MCU: variants seen among roughly 807,000 people sequenced by gnomAD.
MCU encodes mitochondrial calcium uniporter.
In MCU, 12 loss-of-function variants were observed where a neutral mutation model predicts 45.2. That is an observed-to-expected ratio of 0.27 (90% CI 0.17 to 0.43). The LOEUF (loss-of-function observed/expected upper bound fraction) is 0.43. Among genes scored for constraint, MCU ranks in the 20% least tolerant of loss-of-function variants. The probability of loss-of-function intolerance (pLI) is 1.00; values close to 1 mark genes in which losing one functional copy is unlikely to be tolerated. For synonymous variants in MCU, 160 were observed against 165.1 expected, an observed-to-expected ratio of 0.97 and a Z score of 0.24; for missense variants, 324 against 436.7, an observed-to-expected ratio of 0.74 and a Z score of 2.30.
At chr10:72,829,042 C>T (rs937475533) in intron 1 of MCU, among the ~76,000 whole-genome samples, 3 of 152,140 alleles carry the variant, frequency 2.0e-5, no homozygotes, top group African/African-American at 7.2e-5. Context: ...CTAGGGAGGC[C>T]GGGCGCCTTG....
At chr10:72,715,099 C>A in intron 1 of MCU, 1 of 914,818 alleles carries the variant, frequency 1.1e-6, no homozygotes, top group Non-Finnish European at 1.3e-6. Context: ...TTACTTTTTT[C>A]TATTCTTTTA....
chr10:72,724,692 G>C (rs1843072546), intron 1 of MCU, among the ~76,000 whole-genome samples: 1 of 152,178 alleles, frequency 6.6e-6, no homozygotes, highest in Non-Finnish European at 1.5e-5. Flanking sequence ...TGTGGATGAA[G>C]GTTAGATTAG....
At chr10:72,752,165 T>C (rs1420673287) in intron 1 of MCU, among the ~76,000 whole-genome samples, 1 of 151,950 alleles carries the variant, frequency 6.6e-6, no homozygotes, top group Non-Finnish European at 1.5e-5. Flanking sequence ...AATTCATTTG[T>C]CTATTTGAAG....
intron 6 of MCU, among the ~76,000 whole-genome samples, chr10:72,872,563 A>T (rs1845560224): frequency 6.6e-6 from 1 of 152,188 alleles, no homozygotes; most frequent in Non-Finnish European, 1.5e-5. Flanking sequence ...AATGTCCTCC[A>T]GCCTTATCCA....
intron 1 of MCU, among the ~76,000 whole-genome samples, chr10:72,783,039 A>G (rs1043632232): frequency 1.3e-5 from 2 of 152,218 alleles, no homozygotes; most frequent in East Asian, 3.8e-4. Context: ...TGGCCATGGA[A>G]AAAGGAAATA....
intron 1 of MCU, among the ~76,000 whole-genome samples, chr10:72,774,353 A>C (rs1342896709): frequency 6.6e-6 from 1 of 152,118 alleles, no homozygotes; most frequent in Non-Finnish European, 1.5e-5. Flanking sequence ...ATAGCTTCTT[A>C]TGTCTGTAAG....
chr10:72,841,308 A>G (rs1845043714), intron 2 of MCU, among the ~76,000 whole-genome samples: 1 of 152,022 alleles, frequency 6.6e-6, no homozygotes, highest in Non-Finnish European at 1.5e-5. Context: ...AGAAAAAAAA[A>G]ATTTTTTTTT....
chr10:72,700,750 T>C (rs182976109), intron 1 of MCU, among the ~76,000 whole-genome samples: 13 of 152,362 alleles, frequency 8.5e-5, no homozygotes, highest in East Asian at 5.8e-4. Flanking sequence ...CTCAAAGATA[T>C]GAGCCTTTTC....
At chr10:72,779,609 A>G (rs1371126730) in intron 1 of MCU, among the ~76,000 whole-genome samples, 4 of 152,226 alleles carry the variant, frequency 2.6e-5, no homozygotes, top group Non-Finnish European at 5.9e-5. Context: ...AAAAATCCCA[A>G]TAAAAACGGG....
At chr10:72,804,017 A>AATATATATAT (rs35518652) in intron 1 of MCU, among the ~76,000 whole-genome samples, 8 of 34,888 alleles carry the variant, frequency 2.3e-4, no homozygotes, top group Admixed American at 5.3e-4. Flanking sequence ...AATGTAAGTA[A>AATATATATAT]ATATATATAT....
intron 2 of MCU, among the ~76,000 whole-genome samples, chr10:72,852,432 C>T (rs1040192207): frequency 9.9e-5 from 15 of 152,146 alleles, no homozygotes; most frequent in Admixed American, 7.2e-4. Context: ...AAATTCAAAT[C>T]GTACATCCAT....
At chr10:72,796,572 T>A (rs1430658822) in intron 1 of MCU, among the ~76,000 whole-genome samples, 1 of 152,228 alleles carries the variant, frequency 6.6e-6, no homozygotes, top group Non-Finnish European at 1.5e-5. Context: ...TTACTCATGT[T>A]GGAGTAACAT....
rs1843891174 is a variant in MCU, at chr10:72,776,209, C to A, written c.151-58150C>A. Among the ~76,000 whole-genome samples the A allele has an allele frequency of 2.0e-5, 3 of 151,676 alleles. No individual in the cohort carries two copies. The South Asian group carries it at 6.3e-4, about 32-fold the overall frequency. On this transcript the variant is annotated intron_variant, in intron 1 of 7. Transcript: ENST00000373053. ...ATTGAAGAGGAGATAATACTTTCAA[C>A]CTTATTCTATGAGGCCAGGATTACC...
chr10:72,876,921 GT>G (rs11365046), intron 6 of MCU, among the ~76,000 whole-genome samples: 26,660 of 134,106 alleles, frequency 0.2, 4,824 homozygotes, highest in African/African-American at 0.51. Context: ...TCAAATCACA[GT>G]TTTTTTTTTT....
rs144550573 is a variant in MCU, at chr10:72,834,371, A to C, written c.163A>C (p.Ile55Leu). The change falls in exon 2 of 8, where the codon ATC becomes CTC. Residue 55 changes from isoleucine (I) to leucine (L), a missense_variant. Physicochemically the swap from Ile to Leu is conservative, Grantham distance 5. Around this residue, in one of 4 missense-constraint regions of MCU, gnomAD observed 111 missense variants for 112.3 expected, o/e 0.99. Coordinates refer to ENST00000373053, the MANE Select transcript of MCU (RefSeq NM_138357.3). ...QQHHRTVHQR[I>L]ASWQNLGAVY... Reference sequence around the variant, plus strand: ...TTGTGTTTTCTAGGTACACCAGAGGATCGCTTCCTGGCAGAATTTGGGAGC... The same window carrying C: ...TTGTGTTTTCTAGGTACACCAGAGGCTCGCTTCCTGGCAGAATTTGGGAGC... 1.4e-5 allele frequency: 22 copies of C among 1,613,718 alleles called. No homozygotes were observed. In the African/African-American group the frequency reaches 2.5e-4, roughly 19 times the overall value.
At chr10:72,845,821 A>G (rs535563550) in intron 2 of MCU, among the ~76,000 whole-genome samples, 1 of 152,194 alleles carries the variant, frequency 6.6e-6, no homozygotes, top group East Asian at 1.9e-4. Context: ...CCACTTCCTT[A>G]TATATAGGAG....
chr10:72,796,687 G>GT (rs1193797087), intron 1 of MCU, among the ~76,000 whole-genome samples: 284 of 112,438 alleles, frequency 2.5e-3, no homozygotes, highest in African/African-American at 5.1e-3. Flanking sequence ...CTACTTTTTA[G>GT]TTTTTGTTTT....
intron 1 of MCU, among the ~76,000 whole-genome samples, chr10:72,740,157 G>A (rs1296790296): frequency 2.6e-5 from 4 of 151,682 alleles, no homozygotes; most frequent in Non-Finnish European, 4.4e-5. Context: ...TGCGGTGGGC[G>A]GATCACAAGG....
chr10:72,769,216 T>C (rs1402026527), intron 1 of MCU, among the ~76,000 whole-genome samples: 2 of 152,170 alleles, frequency 1.3e-5, no homozygotes, highest in African/African-American at 4.8e-5. Flanking sequence ...ACATGACTTT[T>C]ATTTCTTCCT....
Sources: allele counts gnomAD v4.1 joint callset (sites outside exome capture counted in the v4.1 genomes callset), GRCh38; gene constraint gnomAD v4.1.1; regional missense constraint gnomAD v4.1.1; transcripts MANE v1.5; gene names NCBI Gene and HGNC (gene_info 2026-07-23, HGNC 2026-07-21).